The following ADAM10 variants were observed in gnomAD, a reference collection of about 807,000 sequenced individuals.
ADAM10 encodes the protein disintegrin and metalloproteinase domain-containing protein 10.
ADAM10 carries 17 observed loss-of-function variants against 90.1 expected under a neutral mutation model. The observed-to-expected ratio is 0.19, with a 90% CI of 0.13 to 0.28. The LOEUF is 0.28. Ranked by LOEUF, ADAM10 falls within the 10% of genes least tolerant of loss-of-function variation. The probability of loss-of-function intolerance (pLI) is 1.00; values close to 1 mark genes in which losing one functional copy is unlikely to be tolerated. For synonymous variants in ADAM10, 310 were observed against 298.6 expected (o/e 1.04, Z -0.40); for missense variants, 610 against 914.3 (o/e 0.67, Z 4.29).
rs922091345 is a variant in ADAM10, at chr15:58,594,297, A to T, written c.*3250T>A. Reference sequence around the variant, plus strand: ...TGATACCTTCAATTAGAAATACTTAATAAGAAATGCCTTCTCATGCACAAG... The same window carrying T: ...TGATACCTTCAATTAGAAATACTTATTAAGAAATGCCTTCTCATGCACAAG... On this transcript the variant is annotated 3_prime_UTR_variant, in exon 16 of 16. Coordinates refer to ENST00000260408, the MANE Select transcript of ADAM10 (RefSeq NM_001110.4). 1 of 152,212 alleles carries T rather than the reference A, an allele frequency of 6.6e-6. No homozygotes were observed. Among genetic ancestry groups the T allele is most frequent in the Admixed American group, 6.5e-5 (1 of 15,284 alleles). 9.4% of individuals were successfully genotyped at this position (152,212 alleles called of 1,614,324 possible).
chr15:58,640,743 A>C (rs756843699), intron 8 of ADAM10, 34 bp downstream of exon 8: 1 of 1,597,182 alleles, frequency 6.3e-7, no homozygotes, highest in Non-Finnish European at 8.6e-7. Context: ...TGTTTCAAGT[A>C]GTAAGTTAAG....
chr15:58,677,770 T>G (rs1897329827), intron 4 of ADAM10, among the ~76,000 whole-genome samples: 1 of 152,196 alleles, frequency 6.6e-6, no homozygotes, highest in Admixed American at 6.5e-5. Flanking sequence ...TGATAAAACA[T>G]TCTAGAAAAA....
At chr15:58,712,955 C>T (rs556811489) in intron 2 of ADAM10, among the ~76,000 whole-genome samples, 1 of 152,268 alleles carries the variant, frequency 6.6e-6, no homozygotes, top group East Asian at 1.9e-4. Flanking sequence ...AAACAAATTT[C>T]GAACAAAAAT....
At chr15:58,724,241 G>T (rs1210483334) in intron 1 of ADAM10, among the ~76,000 whole-genome samples, 2 of 152,060 alleles carry the variant, frequency 1.3e-5, no homozygotes, top group Non-Finnish European at 2.9e-5. Context: ...TTATTATAAG[G>T]AGAAGGTTCT....
chr15:58,701,004 T>TAA (rs751224553), intron 2 of ADAM10, among the ~76,000 whole-genome samples: 1 of 56,982 alleles, frequency 1.8e-5, no homozygotes, highest in Non-Finnish European at 4.2e-5. Context: ...AATTCCAACT[T>TAA]AAAAAAAAAC....
At chr15:58,690,645 G>C (rs1302825428) in intron 2 of ADAM10, among the ~76,000 whole-genome samples, 1 of 152,140 alleles carries the variant, frequency 6.6e-6, no homozygotes, top group East Asian at 1.9e-4. Context: ...GATATCAGCA[G>C]AGAGAGCCAG....
At chr15:58,701,463 G>A (rs1292089273) in intron 2 of ADAM10, among the ~76,000 whole-genome samples, 1 of 152,142 alleles carries the variant, frequency 6.6e-6, no homozygotes, top group Non-Finnish European at 1.5e-5. Flanking sequence ...TAGAATGGCT[G>A]TTATTAAAAA....
At chr15:58,685,327 G>C (rs1457577999) in intron 2 of ADAM10, among the ~76,000 whole-genome samples, 1 of 151,140 alleles carries the variant, frequency 6.6e-6, no homozygotes, top group Non-Finnish European at 1.5e-5. Context: ...CGGGCGTGGT[G>C]ACGGGTGCCT....
intron 8 of ADAM10, among the ~76,000 whole-genome samples, chr15:58,638,607 T>A (rs1202443040): frequency 1.5e-4 from 17 of 112,254 alleles, no homozygotes; most frequent in Non-Finnish European, 2.1e-4. Context: ...AGAGCAACAC[T>A]CTGTCTCAAA....
chr15:58,640,087 A>G (rs1376036623), intron 8 of ADAM10, among the ~76,000 whole-genome samples: 1 of 152,170 alleles, frequency 6.6e-6, no homozygotes, highest in Non-Finnish European at 1.5e-5. Flanking sequence ...AGTAAATCAC[A>G]GCTCCTCCAC....
In ADAM10 at chr15:58,690,118, G is replaced by A. The variant is rs190838995; in HGVS notation, c.207-7804C>T. 7.2e-5 allele frequency among the ~76,000 whole-genome samples: 11 copies of A among 152,182 alleles called. No homozygotes were observed. In the South Asian group the frequency reaches 8.3e-4, roughly 11 times the overall value. ...TCTAAAATCATCAATGTAATTCACC[G>A]CATTCAAAGGGGAGAAAAGCCACAA... On this transcript the variant is annotated intron_variant, in intron 2 of 15. Transcript: ENST00000260408.
chr15:58,692,750 C>T, intron 2 of ADAM10: 1 of 594,484 alleles, frequency 1.7e-6, no homozygotes, highest in Non-Finnish European at 3.3e-6. Flanking sequence ...TGTTCTTCGT[C>T]ATTGTGCTTT....
chr15:58,716,504 T>G (rs1898663234), intron 2 of ADAM10, among the ~76,000 whole-genome samples: 1 of 152,228 alleles, frequency 6.6e-6, no homozygotes, highest in Non-Finnish European at 1.5e-5. Flanking sequence ...ACATGGTATA[T>G]TCACAGACTA....
chr15:58,748,861 G>A (rs1899879158), intron 1 of ADAM10: 1 of 398,906 alleles, frequency 2.5e-6, no homozygotes, highest in South Asian at 1.3e-4. Context: ...CAGATAAGCG[G>A]GTGATGACTG....
At chr15:58,633,842 T>C (rs576476355) in intron 8 of ADAM10, among the ~76,000 whole-genome samples, 1 of 149,884 alleles carries the variant, frequency 6.7e-6, no homozygotes, top group South Asian at 2.1e-4. Context: ...TGATTCCCTG[T>C]CCTGAGATAT....
intron 1 of ADAM10, among the ~76,000 whole-genome samples, chr15:58,743,387 A>C (rs919425045): frequency 1.7e-4 from 26 of 152,164 alleles, no homozygotes; most frequent in African/African-American, 5.8e-4. Context: ...CCATATTTTA[A>C]GCTAGACCCT....
intron 4 of ADAM10, among the ~76,000 whole-genome samples, chr15:58,668,416 C>G (rs1331610605): frequency 1.3e-5 from 2 of 152,116 alleles, no homozygotes; most frequent in Non-Finnish European, 2.9e-5. Flanking sequence ...GAATGGGTGA[C>G]TAGGCCAAAG....
intron 4 of ADAM10, among the ~76,000 whole-genome samples, chr15:58,678,062 A>C (rs921652387): frequency 3.3e-4 from 50 of 152,198 alleles, no homozygotes; most frequent in Non-Finnish European, 3.5e-4. Context: ...AAAGAAAGGT[A>C]GAGTTTGAAA....
intron 14 of ADAM10, among the ~76,000 whole-genome samples, chr15:58,601,923 C>T (rs1221015044): frequency 1.3e-5 from 2 of 152,184 alleles, no homozygotes; most frequent in Non-Finnish European, 2.9e-5. Context: ...GCTGTGTTCT[C>T]GCTGCATCCT....
Sources: allele counts gnomAD v4.1 joint callset (sites outside exome capture counted in the v4.1 genomes callset), GRCh38; gene constraint gnomAD v4.1.1; transcripts MANE v1.5; gene names NCBI Gene and HGNC (gene_info 2026-07-23, HGNC 2026-07-21).